Variants in CXorf38 observed in about 807,000 individuals in gnomAD.
The protein encoded by CXorf38 is uncharacterized protein CXorf38.
CXorf38 carries 13 observed loss-of-function variants against 27.5 expected under a neutral mutation model. That is an observed-to-expected ratio of 0.47 (90% CI 0.31 to 0.75). CXorf38 has a LOEUF of 0.75. CXorf38 is among the 30% of genes least tolerant of loss of function. The pLI is 0.05. For missense variants in CXorf38, 240 were observed against 253.2 expected, an observed-to-expected ratio of 0.95 and a Z score of 0.35; for synonymous variants, 100 against 99.8, an observed-to-expected ratio of 1.00 and a Z score of -0.01.
At chrX:40,641,058 CA>C (rs954435740) in intron 2 of CXorf38, among the ~76,000 whole-genome samples, 1 of 104,415 alleles carries the variant, frequency 9.6e-6, no homozygotes, top group Admixed American at 1.0e-4. Flanking sequence ...CTGAAAAATA[CA>C]AAAAAAAATT....
Position 40,647,367 on chromosome X carries a change from G to A in CXorf38, c.154C>T (p.Pro52Ser). The change falls in exon 1 of 7, where the codon CCC becomes TCC. Residue 52 changes from proline to serine, a missense_variant. Coordinates refer to ENST00000327877, the MANE Select transcript of CXorf38 (RefSeq NM_144970.3). Reference sequence around the variant, plus strand: ...CAGACGGCGCGGGGCCCCAGGCCGGGGGCTGCGGCGAGTAGGCCGCGGTGG... The same window carrying A: ...CAGACGGCGCGGGGCCCCAGGCCGGAGGCTGCGGCGAGTAGGCCGCGGTGG... ...SFHRGLLAAAPGLGPRAVCRG... is the reference protein window; with the variant it reads ...SFHRGLLAAASGLGPRAVCRG... 8.6e-7 allele frequency: 1 copy of A among 1,163,248 alleles called. No homozygotes were observed. The highest frequency in any genetic ancestry group is 1.1e-6 in the Non-Finnish European group (1 of 876,284).
chrX:40,639,524 C>T (rs748319139), intron 2 of CXorf38: 22 of 116,571 alleles, frequency 1.9e-4, no homozygotes, highest in Non-Finnish European at 3.2e-4. Flanking sequence ...GAGGAAGTTC[C>T]GTATGGAAGT....
intron 2 of CXorf38, among the ~76,000 whole-genome samples, chrX:40,646,535 C>A (rs1206117081): frequency 2.7e-5 from 3 of 111,770 alleles, no homozygotes. Context: ...CTACCCCATT[C>A]CCAGCTACCC....
chrX:40,635,871 C>T (rs1224599519), intron 5 of CXorf38, among the ~76,000 whole-genome samples: 1 of 112,244 alleles, frequency 8.9e-6, no homozygotes, highest in African/African-American at 3.2e-5. Context: ...ACTGCAAGAG[C>T]CTTCTGGGTA....
At chrX:40,638,718 G>A (rs997721032) in intron 3 of CXorf38, among the ~76,000 whole-genome samples, 2 of 112,033 alleles carry the variant, frequency 1.8e-5, no homozygotes, top group Non-Finnish European at 3.8e-5. Flanking sequence ...CTACTTCAGT[G>A]GCAAACGGCA....
chrX:40,633,510 T>C (rs895282850), intron 5 of CXorf38, among the ~76,000 whole-genome samples: 1 of 111,262 alleles, frequency 9.0e-6, no homozygotes, highest in Admixed American at 9.5e-5. Context: ...CCTTATTATG[T>C]TTACTGTTTA....
intron 2 of CXorf38, chrX:40,640,311 G>A: frequency 3.9e-6 from 1 of 258,858 alleles, no homozygotes; most frequent in South Asian, 3.7e-5. Flanking sequence ...CTGGATAACA[G>A]ATCAAGACCC....
chrX:40,639,353 CATATG>C (rs1928217233), intron 2 of CXorf38: 2 of 322,629 alleles, frequency 6.2e-6, no homozygotes. Flanking sequence ...CTATTAGATA[CATATG>C]ATATAACAGG....
intron 5 of CXorf38, among the ~76,000 whole-genome samples, chrX:40,634,586 TG>T: frequency 8.9e-6 from 1 of 112,221 alleles, no homozygotes; most frequent in East Asian, 2.8e-4. Flanking sequence ...ACTGAAATAA[TG>T]GTATGTTTTA....
chrX:40,639,317 A>G, intron 2 of CXorf38, 189 bp from the exon 3 acceptor site: 3 of 416,371 alleles, frequency 7.2e-6, no homozygotes, highest in South Asian at 7.9e-5. Context: ...GCCAAGGGCA[A>G]TAACTGAAGG....
rs1250818585 is a variant in CXorf38 at position 40,627,696 on chromosome X, G to A, written c.*2468C>T. ...ACAGTTCTGTTAAATAGAAAGATATGAACAGGTTGATGCCTCTATATATGA... is the reference window on the plus strand; with the variant it reads ...ACAGTTCTGTTAAATAGAAAGATATAAACAGGTTGATGCCTCTATATATGA... On this transcript the variant is annotated 3_prime_UTR_variant, in exon 7 of 7. Transcript: ENST00000327877. 8.9e-6 allele frequency: 1 copy of A among 111,935 alleles called. No individual in the cohort carries two copies. The highest frequency in any genetic ancestry group is 1.9e-5 in the Non-Finnish European group (1 of 53,229). The allele number at this position is 111,935 out of a possible 1,213,427, so 9.2% of individuals were successfully genotyped here. A position where few individuals can be genotyped will look rare whatever the true frequency, so the allele number is the denominator to read the frequency against.
intron 5 of CXorf38, 46 bp downstream of exon 5, chrX:40,636,485 TTC>T (rs986686217): frequency 5.8e-6 from 5 of 860,785 alleles, no homozygotes; most frequent in Non-Finnish European, 8.2e-6. Context: ...CCCAGAATCT[TTC>T]TTTGTGTTGT....
At position 40,630,769 on chromosome X, in the gene CXorf38, G is replaced by C; in HGVS notation, c.806C>G (p.Ser269Ter). The C allele has an allele frequency of 8.3e-7, 1 of 1,209,464 alleles. No homozygotes were observed. The highest frequency in any genetic ancestry group is 1.1e-6 in the Non-Finnish European group (1 of 894,112). ...EEQEVLPEEL[S>*]NRLEVVKEFL... ...TTCCTTCACCACTTCCAGTCGATTT[G>C]AGAGCTGCAAGAGGAAACCATGCAA... The change falls in exon 6 of 7, where the codon TCA (serine) becomes TGA (stop). Residue 269 changes from serine to a stop codon, truncating the protein, a stop_gained. Coordinates refer to ENST00000327877, the MANE Select transcript of CXorf38 (RefSeq NM_144970.3). LOFTEE classifies it high-confidence loss of function.
chrX:40,633,632 A>C (rs1927928240), intron 5 of CXorf38, among the ~76,000 whole-genome samples: 1 of 111,800 alleles, frequency 8.9e-6, no homozygotes, highest in Non-Finnish European at 1.9e-5. Context: ...AATTTCTAGA[A>C]TATAACGAAT....
At chrX:40,632,065 G>T (rs1927839311) in intron 5 of CXorf38, among the ~76,000 whole-genome samples, 1 of 111,882 alleles carries the variant, frequency 8.9e-6, no homozygotes, top group Admixed American at 9.4e-5. Flanking sequence ...AGATCACATG[G>T]ATGACACTGT....
At chrX:40,631,610 A>G (rs148503950) in intron 5 of CXorf38, among the ~76,000 whole-genome samples, 1,221 of 111,628 alleles carry the variant, frequency 0.011, 18 homozygotes, top group African/African-American at 0.038. Context: ...CCAGCGATGA[A>G]TGCTTTTAAA....
intron 3 of CXorf38, among the ~76,000 whole-genome samples, 199 bp from the exon 4 acceptor site, chrX:40,637,355 T>C (rs1928120269): frequency 8.9e-6 from 1 of 111,808 alleles, no homozygotes; most frequent in Non-Finnish European, 1.9e-5. Context: ...TGGAGGACAC[T>C]TCAGCCCTCC....
chrX:40,631,233 ATGTG>A (rs1569268522), intron 5 of CXorf38, among the ~76,000 whole-genome samples: 1 of 69,187 alleles, frequency 1.4e-5, no homozygotes, highest in African/African-American at 4.9e-5. Flanking sequence ...GTGTATATAT[ATGTG>A]TGTATGTATA....
chrX:40,639,192 T>TA, intron 2 of CXorf38, 64 bp from the exon 3 acceptor site: 3 of 1,094,279 alleles, frequency 2.7e-6, no homozygotes, highest in Non-Finnish European at 3.7e-6. Flanking sequence ...GGAAAGGCAA[T>TA]GGTTACTTGT....
Sources: allele counts gnomAD v4.1 joint callset (sites outside exome capture counted in the v4.1 genomes callset), GRCh38; gene constraint gnomAD v4.1.1; transcripts MANE v1.5; gene names NCBI Gene and HGNC (gene_info 2026-07-23, HGNC 2026-07-21).